FRAS1: variants seen among roughly 807,000 people sequenced by gnomAD.
The protein encoded by FRAS1 is extracellular matrix organizing protein FRAS1.
A neutral mutation model predicts 435.2 loss-of-function variants in FRAS1; 290 were observed. The ratio of observed to expected loss-of-function variants is 0.67; its 90% CI spans 0.61 to 0.73. The LOEUF (loss-of-function observed/expected upper bound fraction) is 0.73, where lower values mean the gene tolerates loss of function less well. FRAS1 is among the 30% of genes least tolerant of loss of function. The pLI is 0.00. For synonymous variants in FRAS1, 1,800 were observed against 1,851.0 expected, an observed-to-expected ratio of 0.97 and a Z score of 0.71; for missense variants, 4,860 against 5,001.5, an observed-to-expected ratio of 0.97 and a Z score of 0.85.
chr4:78,342,299 C>T (rs185665791), intron 20 of FRAS1, among the ~76,000 whole-genome samples: 10 of 152,296 alleles, frequency 6.6e-5, no homozygotes, highest in South Asian at 4.1e-4. Context: ...TCCAGCACAC[C>T]GCCAAGAGTA....
chr4:78,059,331 G>A (rs1486915412), intron 1 of FRAS1, among the ~76,000 whole-genome samples: 4 of 152,152 alleles, frequency 2.6e-5, no homozygotes, highest in Non-Finnish European at 5.9e-5. Flanking sequence ...CCACGCACAA[G>A]GGTGGGGGAC....
At chr4:78,523,453 A>C (rs536717949) in intron 69 of FRAS1, among the ~76,000 whole-genome samples, 13 of 152,316 alleles carry the variant, frequency 8.5e-5, no homozygotes, top group Middle Eastern at 3.4e-3. Flanking sequence ...TTTAACAACT[A>C]TAGTAAAATA....
Position 78,508,754 on chromosome 4 carries a change from C to A in FRAS1, c.9528C>A (p.Asp3176Glu). The change falls in exon 63 of 74, where the codon GAC becomes GAA. Residue 3176 changes from aspartate to glutamate, a missense_variant. Physicochemically the swap from Asp to Glu is conservative, Grantham distance 45 (BLOSUM62 2). Coordinates refer to ENST00000512123, the MANE Select transcript of FRAS1 (RefSeq NM_025074.7). ...PPIVVTLADY[D>E]HVEEVTKEGV... ...AGGTGGTCACACTTGCTGACTATGA[C>A]CATGTGGAAGAAGTTACCAAGGAAG... 6.2e-7 allele frequency: 1 copy of A among 1,613,758 alleles called. No individual in the cohort carries two copies. The highest frequency in any genetic ancestry group is 2.2e-5 in the East Asian group (1 of 44,838).
At position 78,286,417 on chromosome 4, in the gene FRAS1, A is replaced by G; in HGVS notation, c.1412A>G (p.Gln471Arg). Residue 471 changes from glutamine to arginine, a missense_variant, in exon 14 of 74, where the codon CAG becomes CGG. Gln to Arg is a conservative substitution (Grantham distance 43). Transcript: ENST00000512123. ...AGSLCLACQP[Q>R]CSTCTSGLEC... ...TATCTGGAGTCAGCCTGCCAGCCCC[A>G]GTGCTCCACGTGTACCAGTGGGCTG... The G allele has an allele frequency of 6.2e-7, 1 of 1,613,528 alleles. No homozygotes were observed. The highest frequency in any genetic ancestry group is 8.5e-7 in the Non-Finnish European group (1 of 1,179,866).
chr4:78,202,544 A>G (rs1002870160), intron 2 of FRAS1, among the ~76,000 whole-genome samples: 8 of 152,148 alleles, frequency 5.3e-5, no homozygotes, highest in African/African-American at 1.9e-4. Flanking sequence ...TACAAAAATT[A>G]GTAGAGGAAG....
At chr4:78,536,525 C>T (rs1721886373) in intron 71 of FRAS1, among the ~76,000 whole-genome samples, 2 of 152,158 alleles carry the variant, frequency 1.3e-5, no homozygotes, top group South Asian at 4.2e-4. Context: ...ATCACTTAGC[C>T]CCACTCAGTG....
In FRAS1 at chr4:78,508,824, A is replaced by G; in HGVS notation, c.9598A>G (p.Thr3200Ala). 6.2e-7 allele frequency: 1 copy of G among 1,613,644 alleles called. No homozygotes were observed. Among genetic ancestry groups the G allele is most frequent in the Non-Finnish European group, 8.5e-7 (1 of 1,179,786 alleles). The change falls in exon 63 of 74, where the codon ACC becomes GCC. Residue 3200 changes from threonine to alanine, a missense_variant. Transcript: ENST00000512123. ...CCCAGGCTACCCACTGGTCTGTGTCACCCCCTGCGACCCTCATTTCCCCAG... is the reference window on the plus strand; with the variant it reads ...CCCAGGCTACCCACTGGTCTGTGTCGCCCCCTGCGACCCTCATTTCCCCAG... Reference protein sequence around the residue: ...PSPGYPLVCVTPCDPHFPRYA... With the variant: ...PSPGYPLVCVAPCDPHFPRYA...
intron 22 of FRAS1, among the ~76,000 whole-genome samples, chr4:78,364,961 A>C (rs1560682130): frequency 6.6e-6 from 1 of 152,194 alleles, no homozygotes; most frequent in Non-Finnish European, 1.5e-5. Context: ...TGAGCAAGCC[A>C]ATTAACCACT....
intron 41 of FRAS1, among the ~76,000 whole-genome samples, chr4:78,444,509 A>G (rs1718723720): frequency 1.3e-5 from 2 of 152,198 alleles, no homozygotes; most frequent in African/African-American, 4.8e-5. Context: ...GTCATGGAGA[A>G]GGGAAGGGGA....
chr4:78,338,321 G>T (rs1329525312), intron 20 of FRAS1, among the ~76,000 whole-genome samples: 8 of 151,860 alleles, frequency 5.3e-5, no homozygotes, highest in African/African-American at 1.9e-4. Flanking sequence ...AAAAAATTAG[G>T]AAAGCAGTCT....
intron 35 of FRAS1, among the ~76,000 whole-genome samples, chr4:78,428,735 A>G (rs1734095367): frequency 6.6e-6 from 1 of 152,192 alleles, no homozygotes; most frequent in African/African-American, 2.4e-5. Flanking sequence ...ATATTTCCAT[A>G]ATCAAAAGCC....
rs773205564 is a variant in FRAS1, at chr4:78,419,033, A to G, written c.4510A>G (p.Asn1504Asp). ...SEKPSGKIVY[N>D]ITLPLHPNQG... ...GAAGCCAAGTGGAAAGATTGTCTAC[A>G]ACATCACTCTACCTCTGCATCCAAA... Residue 1504 changes from asparagine (N) to aspartate (D), a missense_variant, in exon 33 of 74, where the codon AAC becomes GAC. Transcript: ENST00000512123. The G allele has an allele frequency of 8.8e-6, 14 of 1,592,080 alleles. No individual in the cohort carries two copies. In the Admixed American group the frequency reaches 2.5e-4, roughly 29 times the overall value.
At chr4:78,339,976 C>T (rs1490370353) in intron 20 of FRAS1, among the ~76,000 whole-genome samples, 1 of 152,062 alleles carries the variant, frequency 6.6e-6, no homozygotes, top group African/African-American at 2.4e-5. Flanking sequence ...TAAAATGTAA[C>T]TCTGAATGTG....
intron 36 of FRAS1, among the ~76,000 whole-genome samples, chr4:78,429,523 A>G (rs942124597): frequency 6.6e-6 from 1 of 152,190 alleles, no homozygotes; most frequent in Non-Finnish European, 1.5e-5. Flanking sequence ...CGAGAAGAAC[A>G]TAGAGGGGAG....
chr4:78,227,074 A>C (rs900712609), intron 2 of FRAS1, among the ~76,000 whole-genome samples: 10 of 152,190 alleles, frequency 6.6e-5, no homozygotes, highest in Admixed American at 5.9e-4. Context: ...GTTTCAAGAT[A>C]TGTATCTATT....
chr4:78,198,492 G>C (rs531437016), intron 2 of FRAS1, among the ~76,000 whole-genome samples: 1 of 152,078 alleles, frequency 6.6e-6, no homozygotes, highest in Non-Finnish European at 1.5e-5. Context: ...GAACCTAAAC[G>C]AAAAGAAAAA....
intron 2 of FRAS1, among the ~76,000 whole-genome samples, chr4:78,159,468 G>A (rs1721044187): frequency 6.6e-6 from 1 of 152,118 alleles, no homozygotes; most frequent in Non-Finnish European, 1.5e-5. Flanking sequence ...CAATTGTAGG[G>A]GATGCTAGAG....
rs72871372 is a variant in FRAS1, at chr4:78,520,221, C to T, written c.10540+740C>T. Among the ~76,000 whole-genome samples the T allele has an allele frequency of 6.3e-3, 961 of 151,650 alleles. 9 individuals are homozygous for T. The highest frequency in any genetic ancestry group is 0.022 in the African/African-American group (902 of 41,352). ...AAACTCCCCAATTTTCTCCTCCGTT[C>T]TCTCCAATCGTTCTTGGTTATTTTT... On this transcript the variant is annotated intron_variant, in intron 67 of 73. Coordinates refer to ENST00000512123, the MANE Select transcript of FRAS1 (RefSeq NM_025074.7).
At chr4:78,345,676 G>T (rs764840778) in intron 20 of FRAS1, among the ~76,000 whole-genome samples, 5 of 150,962 alleles carry the variant, frequency 3.3e-5, no homozygotes, top group Non-Finnish European at 5.9e-5. Context: ...ATCATGAATT[G>T]CATATCCACC....
Sources: gnomAD v4.1 joint callset for allele counts (sites outside exome capture counted in the v4.1 genomes callset) on GRCh38, gnomAD v4.1.1 for gene constraint, MANE v1.5 for transcripts, NCBI Gene and HGNC (gene_info 2026-07-23, HGNC 2026-07-21) for gene names.